The following CAMK2D variants were observed in gnomAD, a reference collection of about 807,000 sequenced individuals.
The protein encoded by CAMK2D is calcium/calmodulin dependent protein kinase II delta.
In CAMK2D, 37 loss-of-function variants were observed where a neutral mutation model predicts 84.0. That is an observed-to-expected ratio of 0.44 (90% CI 0.34 to 0.58). The LOEUF is 0.58. CAMK2D is among the 20% of genes least tolerant of loss of function. The pLI is 0.02. For synonymous variants in CAMK2D, 202 were observed against 212.5 expected (o/e 0.95, Z 0.43); for missense variants, 448 against 652.5 (o/e 0.69, Z 3.41).
At position 113,755,173 on chromosome 4, in the gene CAMK2D, T is replaced by TATAC. The variant is rs71582195; in HGVS notation, c.160+4146_160+4147insGTAT. 5.8e-3 allele frequency: 945 copies of TATAC among 163,788 alleles called. 12 individuals are homozygous for TATAC. The highest frequency in any genetic ancestry group is 0.02 in the African/African-American group (734 of 37,380). 10.1% of individuals were successfully genotyped at this position (163,788 alleles called of 1,614,324 possible). ...AACATCAAAAAAGGTTACTTAGGGATACACACACACACACACACACACACA... is the reference window on the plus strand; with the variant it reads ...AACATCAAAAAAGGTTACTTAGGGATATACACACACACACACACACACACACACA... On this transcript the variant is annotated intron_variant, in intron 2 of 20. Coordinates refer to ENST00000511664, the MANE Select transcript of CAMK2D (RefSeq NM_001321571.2).
chr4:113,661,101 T>C (rs1039054768), intron 3 of CAMK2D, among the ~76,000 whole-genome samples: 1 of 152,206 alleles, frequency 6.6e-6, no homozygotes, highest in African/African-American at 2.4e-5. Context: ...GGCCTGTAGC[T>C]GAACAATTCT....
At chr4:113,562,212 T>C (rs2098701664) in intron 4 of CAMK2D, among the ~76,000 whole-genome samples, 1 of 152,224 alleles carries the variant, frequency 6.6e-6, no homozygotes, top group South Asian at 2.1e-4. Flanking sequence ...ACATTTCTTT[T>C]AAGTAAAAGG....
chr4:113,520,471 G>T (rs2154172970), intron 8 of CAMK2D, among the ~76,000 whole-genome samples: 1 of 152,070 alleles, frequency 6.6e-6, no homozygotes, highest in South Asian at 2.1e-4. Context: ...TTGAGTTCTT[G>T]CCTCATGAGT....
In CAMK2D at chr4:113,541,635, C is replaced by T. The variant is rs927000817; in HGVS notation, c.415-4192G>A. On this transcript the variant is annotated intron_variant, in intron 6 of 20. Coordinates refer to ENST00000511664, the MANE Select transcript of CAMK2D (RefSeq NM_001321571.2). ...TGAATATTATAAAAAGAGCAAATTACTAATTTTATTATCCCATATTATTTA... is the reference window on the plus strand; with the variant it reads ...TGAATATTATAAAAAGAGCAAATTATTAATTTTATTATCCCATATTATTTA... Among the ~76,000 whole-genome samples, 5 of 152,054 alleles carry T rather than the reference C, an allele frequency of 3.3e-5. No individual in the cohort carries two copies. In the East Asian group the frequency reaches 9.6e-4, roughly 29 times the overall value.
chr4:113,679,963 T>A lies in CAMK2D; in HGVS notation c.161-18191A>T, dbSNP rs573625175. ...TTTGTTTTAATATGAAAATACAATTTCCAAATTAATAAACTACAGTATATG... is the reference window on the plus strand; with the variant it reads ...TTTGTTTTAATATGAAAATACAATTACCAAATTAATAAACTACAGTATATG... On this transcript the variant is annotated intron_variant, in intron 2 of 20. Transcript: ENST00000511664. Among the ~76,000 whole-genome samples the A allele has an allele frequency of 2.5e-4, 38 of 152,294 alleles. 1 individual carries two copies. Among genetic ancestry groups the A allele is most frequent in the African/African-American group, 8.2e-4 (34 of 41,568 alleles).
At chr4:113,557,104 G>A (rs1337005663) in intron 4 of CAMK2D, among the ~76,000 whole-genome samples, 1 of 152,050 alleles carries the variant, frequency 6.6e-6, no homozygotes, top group African/African-American at 2.4e-5. Context: ...AACAGGACTT[G>A]AATCAAGACT....
chr4:113,517,304 A>G (rs1247509014), intron 9 of CAMK2D, among the ~76,000 whole-genome samples: 1 of 152,176 alleles, frequency 6.6e-6, no homozygotes, highest in Admixed American at 6.6e-5. Flanking sequence ...AAAATGCACT[A>G]AGGTCCAAAT....
intron 4 of CAMK2D, among the ~76,000 whole-genome samples, chr4:113,557,903 T>C (rs1360281936): frequency 6.6e-6 from 1 of 152,104 alleles, no homozygotes; most frequent in South Asian, 2.1e-4. Flanking sequence ...ATTTTAAAAA[T>C]AGAAAAACAC....
intron 2 of CAMK2D, among the ~76,000 whole-genome samples, chr4:113,668,531 G>A (rs867233043): frequency 6.6e-6 from 1 of 152,020 alleles, no homozygotes; most frequent in Non-Finnish European, 1.5e-5. Flanking sequence ...AACTTTAAAA[G>A]AACTAAATTC....
intron 2 of CAMK2D, among the ~76,000 whole-genome samples, chr4:113,726,418 T>G (rs1333316053): frequency 2.0e-5 from 3 of 148,226 alleles, no homozygotes; most frequent in Non-Finnish European, 4.5e-5. Context: ...TCTCACTCTG[T>G]TACTCAGGCT....
chr4:113,647,228 A>C (rs2099155675), intron 3 of CAMK2D, among the ~76,000 whole-genome samples: 1 of 152,254 alleles, frequency 6.6e-6, no homozygotes, highest in African/African-American at 2.4e-5. Context: ...TAGATTTATA[A>C]GGATTGTAAT....
chr4:113,705,192 A>G (rs2099442862), intron 2 of CAMK2D, among the ~76,000 whole-genome samples: 1 of 150,346 alleles, frequency 6.7e-6, no homozygotes, highest in Non-Finnish European at 1.5e-5. Flanking sequence ...CCGGGCGTGG[A>G]GGCAGGCGCC....
intron 2 of CAMK2D, among the ~76,000 whole-genome samples, chr4:113,727,265 G>A (rs953732818): frequency 2.6e-5 from 4 of 152,136 alleles, no homozygotes; most frequent in Non-Finnish European, 4.4e-5. Context: ...AAAGAAGCTC[G>A]GATAGATAAA....
chr4:113,753,029 T>C (rs1005908624), intron 2 of CAMK2D, among the ~76,000 whole-genome samples: 4 of 152,024 alleles, frequency 2.6e-5, no homozygotes, highest in African/African-American at 4.8e-5. Context: ...TCCTCTCTAA[T>C]AGCAATCAAC....
At chr4:113,646,891 T>C (rs570995986) in intron 3 of CAMK2D, among the ~76,000 whole-genome samples, 7 of 152,358 alleles carry the variant, frequency 4.6e-5, no homozygotes, top group African/African-American at 1.7e-4. Context: ...CTTCACCATT[T>C]AAACATTAAA....
intron 2 of CAMK2D, among the ~76,000 whole-genome samples, chr4:113,678,431 A>G (rs55895658): frequency 0.25 from 36,732 of 149,914 alleles, 5,490 homozygotes; most frequent in African/African-American, 0.43. Flanking sequence ...GACCTTTTCC[A>G]TTTCTGTGAT....
Position 113,696,934 on chromosome 4 carries a change from G to A in CAMK2D, c.161-35162C>T, listed in dbSNP as rs79083581. ...TGGTCCCATTAGGAGTACAGAGAAG[G>A]TAATGCATATGAACGTTTTGAGGTA... On this transcript the variant is annotated intron_variant, in intron 2 of 20. Coordinates refer to ENST00000511664, the MANE Select transcript of CAMK2D (RefSeq NM_001321571.2). 7.5e-3 allele frequency among the ~76,000 whole-genome samples: 1,136 copies of A among 152,172 alleles called. 15 individuals carry two copies. The highest frequency in any genetic ancestry group is 0.026 in the African/African-American group (1,060 of 41,534).
chr4:113,529,712 A>C (rs2098445374), intron 8 of CAMK2D, among the ~76,000 whole-genome samples: 1 of 152,164 alleles, frequency 6.6e-6, no homozygotes, highest in Admixed American at 6.5e-5. Flanking sequence ...TTTTGATTTG[A>C]GTTGGCTGAT....
At chr4:113,642,200 C>T (rs1166910601) in intron 3 of CAMK2D, among the ~76,000 whole-genome samples, 1 of 152,118 alleles carries the variant, frequency 6.6e-6, no homozygotes, top group Admixed American at 6.5e-5. Context: ...AAAAGTCAAA[C>T]TCACCCCAAA....
Sources: allele counts gnomAD v4.1 joint callset (sites outside exome capture counted in the v4.1 genomes callset), GRCh38; gene constraint gnomAD v4.1.1; transcripts MANE v1.5; gene names NCBI Gene and HGNC (gene_info 2026-07-23, HGNC 2026-07-21).